The following CFAP43 variants were observed in gnomAD, a reference collection of about 807,000 sequenced individuals.
The protein encoded by CFAP43 is cilia and flagella associated protein 43.
A neutral mutation model predicts 218.9 loss-of-function variants in CFAP43; 155 were observed. The ratio of observed to expected loss-of-function variants is 0.71; its 90% CI spans 0.62 to 0.81. The LOEUF (loss-of-function observed/expected upper bound fraction) is 0.81. Among genes scored for constraint, CFAP43 ranks in the 30% least tolerant of loss-of-function variants. The probability of loss-of-function intolerance (pLI) is 0.00; values close to 1 mark genes in which losing one functional copy is unlikely to be tolerated. For synonymous variants in CFAP43, 645 were observed against 681.3 expected (o/e 0.95, Z 0.83); for missense variants, 1,778 against 1,954.3 (o/e 0.91, Z 1.70).
At chr10:104,138,394 C>T (rs909419136) in intron 34 of CFAP43, among the ~76,000 whole-genome samples, 4 of 152,070 alleles carry the variant, frequency 2.6e-5, no homozygotes, top group Non-Finnish European at 5.9e-5. Context: ...TGACAACTGG[C>T]CGGTGGCACG....
intron 21 of CFAP43, 124 bp from the exon 22 acceptor site, chr10:104,167,861 T>C (rs1459037757): frequency 1.7e-6 from 1 of 601,238 alleles, no homozygotes; most frequent in East Asian, 2.9e-5. Flanking sequence ...GTTAGTAAAA[T>C]TGACAATGGA....
At chr10:104,214,580 G>A (rs1263160972) in intron 3 of CFAP43, among the ~76,000 whole-genome samples, 154 bp from the exon 4 acceptor site, 2 of 152,056 alleles carry the variant, frequency 1.3e-5, no homozygotes, top group Non-Finnish European at 2.9e-5. Flanking sequence ...AAATAATTAT[G>A]CTTATCATTG....
Position 104,230,758 on chromosome 10 carries a change from T to C in CFAP43, c.151A>G (p.Ile51Val). Reference sequence around the variant, plus strand: ...GTCTTTTTCTTGGTTTCAATATTAATAAATATTACATAATTCCCACAAGGG... The same window carrying C: ...GTCTTTTTCTTGGTTTCAATATTAACAAATATTACATAATTCCCACAAGGG... ...CYPCGNYVIF[I>V]NIETKKKTVL... Residue 51 changes from isoleucine to valine, a missense_variant, in exon 2 of 38, where the codon ATT becomes GTT. Transcript: ENST00000357060. 6.2e-7 allele frequency: 1 copy of C among 1,614,002 alleles called. No homozygotes were observed. Among genetic ancestry groups the C allele is most frequent in the Non-Finnish European group, 8.5e-7 (1 of 1,179,946 alleles).
intron 36 of CFAP43, 58 bp from the exon 37 acceptor site, chr10:104,131,542 C>A: frequency 6.6e-7 from 1 of 1,513,294 alleles, no homozygotes; most frequent in South Asian, 1.3e-5. Context: ...TGTAATTTAT[C>A]CTATAAAGAC....
chr10:104,180,438 C>T (rs936587024), intron 17 of CFAP43, among the ~76,000 whole-genome samples: 1 of 146,758 alleles, frequency 6.8e-6, no homozygotes, highest in Non-Finnish European at 1.5e-5. Context: ...CAGACACCAC[C>T]CTATTTCTTT....
At chr10:104,232,137 G>C (rs3740468) in intron 1 of CFAP43, 45 bp downstream of exon 1, 1 of 1,580,736 alleles carries the variant, frequency 6.3e-7, no homozygotes, top group East Asian at 2.3e-5. Context: ...TGGGGCAGGA[G>C]GTTCCGCGAG....
Position 104,186,089 on chromosome 10 carries a change from T to A in CFAP43, c.1895A>T (p.Lys632Ile), listed in dbSNP as rs749301382. 29 of 1,566,506 alleles carry A rather than the reference T, an allele frequency of 1.9e-5. No individual in the cohort carries two copies. Among genetic ancestry groups the A allele is most frequent in the Non-Finnish European group, 1.5e-5 (18 of 1,163,068 alleles). ...HTGIYILKPYKKVQSRQYGPG... is the reference protein window; with the variant it reads ...HTGIYILKPYIKVQSRQYGPG... The stretch of plus-strand genomic sequence containing the variant: ...TCCATACTGTCTGCTTTGTACTTTT[T>A]TGTATGGTTTAAGAATGTAGATACC... The change falls in exon 15 of 38, where the codon AAA (lysine) becomes ATA (isoleucine). Residue 632 changes from lysine (K) to isoleucine (I), a missense_variant. Coordinates refer to ENST00000357060, the MANE Select transcript of CFAP43 (RefSeq NM_025145.7).
chr10:104,228,094 G>T (rs2091352063), intron 2 of CFAP43, among the ~76,000 whole-genome samples: 1 of 151,864 alleles, frequency 6.6e-6, no homozygotes, highest in Non-Finnish European at 1.5e-5. Flanking sequence ...CACCTGCCTT[G>T]GCCTCCCAAA....
intron 27 of CFAP43, among the ~76,000 whole-genome samples, chr10:104,158,307 T>G (rs896776003): frequency 1.3e-5 from 2 of 152,168 alleles, no homozygotes; most frequent in Non-Finnish European, 2.9e-5. Flanking sequence ...GAAAGAGAAC[T>G]TCTATAACAA....
At chr10:104,136,143 C>G (rs140865122) in intron 34 of CFAP43, among the ~76,000 whole-genome samples, 2,909 of 150,136 alleles carry the variant, frequency 0.019, 99 homozygotes, top group African/African-American at 0.068. Flanking sequence ...CCCAGCTACT[C>G]AGGAGGCTGA....
chr10:104,167,700 A>G lies in CFAP43; in HGVS notation c.2729T>C (p.Met910Thr). 1 of 1,611,200 alleles carries G rather than the reference A, an allele frequency of 6.2e-7. No homozygotes were observed. The highest frequency in any genetic ancestry group is 8.5e-7 in the Non-Finnish European group (1 of 1,179,268). Residue 910 changes from methionine to threonine, a missense_variant, in exon 22 of 38, where the codon ATG becomes ACG. Transcript: ENST00000357060. Reference sequence around the variant, plus strand: ...CAGCTCTTCAACCGTGCGCGCTTTCATCGGGAAGTTTTCAACCACACAGGG... The same window carrying G: ...CAGCTCTTCAACCGTGCGCGCTTTCGTCGGGAAGTTTTCAACCACACAGGG... ...HIPCVVENFP[M>T]KARTVEELKE...
chr10:104,162,453 T>C, intron 24 of CFAP43, 50 bp from the exon 25 acceptor site: 1 of 1,517,164 alleles, frequency 6.6e-7, no homozygotes. Context: ...AAATTCAAAC[T>C]AAACTTTCCT....
At chr10:104,145,710 T>C (rs1201298027) in intron 30 of CFAP43, 146 bp from the exon 31 acceptor site, 7 of 511,374 alleles carry the variant, frequency 1.4e-5, no homozygotes, top group Non-Finnish European at 2.4e-5. Context: ...ACATTAACCA[T>C]TCTCTGTGCA....
rs150146380 is a variant in CFAP43, at chr10:104,137,220, T to C, written c.4432-3436A>G. Among the ~76,000 whole-genome samples, 761 of 152,278 alleles carry C rather than the reference T, an allele frequency of 5.0e-3. 5 individuals are homozygous for C. The highest frequency in any genetic ancestry group is 0.014 in the Middle Eastern group (4 of 294). ...CAAAAGGTGGAAATAGCCCAAATAT[T>C]CACCAGCTGATGAATGGATAAACAA... On this transcript the variant is annotated intron_variant, in intron 34 of 37. Transcript: ENST00000357060.
rs776193577 is a variant in CFAP43, at chr10:104,227,835, C to CTTTTTTTTTTTTT, written c.320-2291_320-2279dup. Reference sequence around the variant, plus strand: ...CTCCTCTATTCTACCATGTTTTCTACTTTTTTTTTTTTTTTTTTTTTTTTT... The same window carrying CTTTTTTTTTTTTT: ...CTCCTCTATTCTACCATGTTTTCTACTTTTTTTTTTTTTTTTTTTTTTTTTTTTTTTTTTTTTT... On this transcript the variant is annotated intron_variant, in intron 2 of 37. Coordinates refer to ENST00000357060, the MANE Select transcript of CFAP43 (RefSeq NM_025145.7). 1.4e-4 allele frequency among the ~76,000 whole-genome samples: 8 copies of CTTTTTTTTTTTTT among 58,370 alleles called. 1 individual carries two copies. Among genetic ancestry groups the CTTTTTTTTTTTTT allele is most frequent in the Non-Finnish European group, 2.1e-4 (7 of 32,778 alleles). 38.3% of individuals were successfully genotyped at this position (58,370 alleles called of 152,430 possible). A position where few individuals can be genotyped will look rare whatever the true frequency, so the allele number is the denominator to read the frequency against.
At chr10:104,195,450 T>A (rs1040378709) in intron 10 of CFAP43, among the ~76,000 whole-genome samples, 1 of 152,236 alleles carries the variant, frequency 6.6e-6, no homozygotes, top group Non-Finnish European at 1.5e-5. Flanking sequence ...CTTGGTCACA[T>A]AGACTATGGA....
chr10:104,142,258 C>A, intron 33 of CFAP43, 23 bp downstream of exon 33: 1 of 1,595,156 alleles, frequency 6.3e-7, no homozygotes, highest in South Asian at 1.1e-5. Flanking sequence ...AATAGGTGAA[C>A]ATGAAAGAAA....
In CFAP43 at chr10:104,147,871, A is replaced by G; in HGVS notation, c.3768+20T>C. 6.5e-7 allele frequency: 1 copy of G among 1,545,620 alleles called. No individual in the cohort carries two copies. The highest frequency in any genetic ancestry group is 8.8e-7 in the Non-Finnish European group (1 of 1,136,380). On this transcript the variant is annotated intron_variant, in intron 29 of 37. Transcript: ENST00000357060. ...TCTATCAGAAAATGCTTGTATTCAGATTTCAGACACTATTCTTACTTTCTC... is the reference window on the plus strand; with the variant it reads ...TCTATCAGAAAATGCTTGTATTCAGGTTTCAGACACTATTCTTACTTTCTC...
chr10:104,226,004 C>T (rs1458585343), intron 2 of CFAP43, among the ~76,000 whole-genome samples: 1 of 152,232 alleles, frequency 6.6e-6, no homozygotes, highest in Non-Finnish European at 1.5e-5. Context: ...TTAATATCTG[C>T]CAGCTTTTGG....
Sources: allele counts gnomAD v4.1 joint callset (sites outside exome capture counted in the v4.1 genomes callset), GRCh38; gene constraint gnomAD v4.1.1; transcripts MANE v1.5; gene names NCBI Gene and HGNC (gene_info 2026-07-23, HGNC 2026-07-21).